RSU1: variants seen among roughly 807,000 people sequenced by gnomAD.
RSU1 encodes the protein Ras suppressor protein 1, also known as rsu-1.
Under a neutral mutation model 31.1 loss-of-function variants are expected in RSU1, and 26 were observed. The ratio of observed to expected loss-of-function variants is 0.84; its 90% confidence interval spans 0.61 to 1.16. RSU1 has a LOEUF of 1.16. RSU1 is among the 50% of genes most tolerant of loss of function. The pLI is 0.00. For synonymous variants in RSU1, 164 were observed against 136.3 expected, an observed-to-expected ratio of 1.20 and a Z score of -1.41; for missense variants, 320 against 339.1, an observed-to-expected ratio of 0.94 and a Z score of 0.44.
chr10:16,722,091 A>C (rs1292789260), intron 7 of RSU1, among the ~76,000 whole-genome samples: 5 of 152,314 alleles, frequency 3.3e-5, no homozygotes, highest in Admixed American at 6.5e-5. Context: ...AGATATTTTG[A>C]GAGAGAGATA....
chr10:16,697,371 T>C (rs1296197400), intron 7 of RSU1, among the ~76,000 whole-genome samples: 3 of 152,212 alleles, frequency 2.0e-5, no homozygotes, highest in African/African-American at 7.2e-5. Context: ...ATATGTGTAT[T>C]CTTGGCCAGG....
At chr10:16,733,256 C>T (rs146042059) in intron 7 of RSU1, among the ~76,000 whole-genome samples, 17 of 149,504 alleles carry the variant, frequency 1.1e-4, no homozygotes, top group African/African-American at 3.2e-4. Flanking sequence ...TTTGGGAGGC[C>T]GAGATGGACG....
chr10:16,667,246 T>C (rs1032333111), intron 8 of RSU1, among the ~76,000 whole-genome samples: 2 of 152,186 alleles, frequency 1.3e-5, no homozygotes, highest in South Asian at 2.1e-4. Flanking sequence ...ATGTTCATTA[T>C]AGGTACCCAA....
chr10:16,811,684 C>T (rs1016960447), intron 2 of RSU1, among the ~76,000 whole-genome samples: 5 of 152,164 alleles, frequency 3.3e-5, no homozygotes, highest in African/African-American at 1.2e-4. Flanking sequence ...CCCTATCATA[C>T]AATCAAAAAT....
intron 8 of RSU1, among the ~76,000 whole-genome samples, chr10:16,661,373 C>A (rs909562913): frequency 6.8e-6 from 1 of 147,414 alleles, no homozygotes; most frequent in African/African-American, 2.5e-5. Context: ...TGTAGGAATC[C>A]TTAGGACACG....
At chr10:16,633,330 C>T (rs1045113524) in intron 8 of RSU1, among the ~76,000 whole-genome samples, 2 of 152,040 alleles carry the variant, frequency 1.3e-5, no homozygotes, top group African/African-American at 4.8e-5. Flanking sequence ...TCTCTATAGA[C>T]CAATTTAAAA....
chr10:16,739,466 CTTTT>C (rs35664560), intron 7 of RSU1, among the ~76,000 whole-genome samples: 308 of 94,236 alleles, frequency 3.3e-3, no homozygotes, highest in African/African-American at 0.013. Context: ...CATTTTCTTC[CTTTT>C]TTTTTTTTTT....
intron 2 of RSU1, among the ~76,000 whole-genome samples, chr10:16,807,144 T>C (rs142073613): frequency 7.2e-5 from 11 of 152,284 alleles, no homozygotes; most frequent in Non-Finnish European, 1.6e-4. Context: ...AACACTGAGA[T>C]TGCAAACCAC....
At chr10:16,672,904 T>C (rs1835138639) in intron 8 of RSU1, among the ~76,000 whole-genome samples, 1 of 152,196 alleles carries the variant, frequency 6.6e-6, no homozygotes, top group Non-Finnish European at 1.5e-5. Context: ...CAAATAAAGA[T>C]GTTAAAAGAA....
At chr10:16,797,634 C>A (rs1020258313) in intron 2 of RSU1, among the ~76,000 whole-genome samples, 1 of 151,690 alleles carries the variant, frequency 6.6e-6, no homozygotes, top group Non-Finnish European at 1.5e-5. Context: ...TTGACTATTT[C>A]AAAACAAGGT....
intron 2 of RSU1, among the ~76,000 whole-genome samples, chr10:16,805,613 T>C (rs912740012): frequency 4.0e-5 from 6 of 148,530 alleles, no homozygotes; most frequent in Non-Finnish European, 7.4e-5. Flanking sequence ...GAGGCGGAGC[T>C]TGCAGTGAGC....
intron 8 of RSU1, among the ~76,000 whole-genome samples, chr10:16,684,597 G>C (rs1835404128): frequency 6.6e-6 from 1 of 152,112 alleles, no homozygotes; most frequent in East Asian, 1.9e-4. Flanking sequence ...GCCAAGGAGA[G>C]AGGCCTTAGA....
At chr10:16,744,476 ATGT>A (rs1836810380) in intron 7 of RSU1, among the ~76,000 whole-genome samples, 1 of 152,240 alleles carries the variant, frequency 6.6e-6, no homozygotes, top group South Asian at 2.1e-4. Flanking sequence ...TTAGAAAATA[ATGT>A]TGTCACTTGC....
chr10:16,621,075 T>C (rs1834060811), intron 8 of RSU1, among the ~76,000 whole-genome samples: 1 of 152,198 alleles, frequency 6.6e-6, no homozygotes, highest in African/African-American at 2.4e-5. Flanking sequence ...AAATGACTTA[T>C]GTGTGACTTA....
At chr10:16,768,772 AG>A (rs1191962330) in intron 3 of RSU1, among the ~76,000 whole-genome samples, 2 of 152,220 alleles carry the variant, frequency 1.3e-5, no homozygotes, top group Non-Finnish European at 2.9e-5. Context: ...GTGCCAGCCC[AG>A]ACTTGGCAAT....
At chr10:16,640,345 T>G (rs1173040077) in intron 8 of RSU1, among the ~76,000 whole-genome samples, 1 of 152,162 alleles carries the variant, frequency 6.6e-6, no homozygotes, top group African/African-American at 2.4e-5. Flanking sequence ...TTTGTTAACC[T>G]CTTCATCATC....
At chr10:16,614,839 C>T (rs1035684411) in intron 8 of RSU1, among the ~76,000 whole-genome samples, 2 of 152,036 alleles carry the variant, frequency 1.3e-5, no homozygotes, top group East Asian at 1.9e-4. Context: ...CTCATTTACT[C>T]ATATCTAAAA....
chr10:16,598,956 G>A (rs763093544), intron 8 of RSU1, among the ~76,000 whole-genome samples: 3 of 152,170 alleles, frequency 2.0e-5, no homozygotes, highest in Non-Finnish European at 4.4e-5. Flanking sequence ...GAACCAAGAC[G>A]CAGAGAGGCA....
chr10:16,615,256 TTAAAC>T (rs1833956315), intron 8 of RSU1, among the ~76,000 whole-genome samples: 1 of 150,674 alleles, frequency 6.6e-6, no homozygotes, highest in Non-Finnish European at 1.5e-5. Context: ...AAAACAGACT[TTAAAC>T]TAAAAAACAT....
Sources: gnomAD v4.1 joint callset for allele counts (sites outside exome capture counted in the v4.1 genomes callset) on GRCh38, gnomAD v4.1.1 for gene constraint, MANE v1.5 for transcripts, NCBI Gene and HGNC (gene_info 2026-07-23, HGNC 2026-07-21) for gene names.